SUCLG2: variants seen among roughly 807,000 people sequenced by gnomAD.
SUCLG2 encodes the protein succinate-CoA ligase GDP-forming subunit beta, also known as succinate--CoA ligase [GDP-forming] subunit beta, mitochondrial.
SUCLG2 carries 42 observed loss-of-function variants against 47.9 expected under a neutral mutation model. The observed-to-expected ratio is 0.88, with a 90% CI of 0.69 to 1.14. The LOEUF is 1.14. Ranked by LOEUF, SUCLG2 falls within the 50% of genes most tolerant of loss-of-function variation. The pLI, the probability that SUCLG2 is intolerant of heterozygous loss-of-function variation, is 0.00. For missense variants in SUCLG2, 571 were observed against 525.9 expected, an observed-to-expected ratio of 1.09 and a Z score of -0.84; for synonymous variants, 195 against 197.3, an observed-to-expected ratio of 0.99 and a Z score of 0.10.
At chr3:67,512,212 T>G (rs1358959570) in intron 6 of SUCLG2, among the ~76,000 whole-genome samples, 2 of 151,266 alleles carry the variant, frequency 1.3e-5, no homozygotes, top group Admixed American at 1.3e-4. Context: ...GTGTCAGACT[T>G]TTAAAAGGCT....
intron 2 of SUCLG2, among the ~76,000 whole-genome samples, chr3:67,601,854 C>A (rs888256046): frequency 6.6e-6 from 1 of 151,960 alleles, no homozygotes. Context: ...TGGTGGTGCA[C>A]GCCTGTAATC....
intron 1 of SUCLG2, among the ~76,000 whole-genome samples, chr3:67,648,099 T>C (rs1701222504): frequency 6.6e-6 from 1 of 152,196 alleles, no homozygotes; most frequent in South Asian, 2.1e-4. Flanking sequence ...ATCATCTTAT[T>C]TAATCTTTGT....
chr3:67,562,285 T>C (rs1399238361), intron 2 of SUCLG2, among the ~76,000 whole-genome samples: 3 of 141,978 alleles, frequency 2.1e-5, no homozygotes, highest in Non-Finnish European at 4.7e-5. Context: ...TTTTTGTTTG[T>C]TTTTTTTTTT....
chr3:67,451,860 C>T (rs1289199713), intron 9 of SUCLG2, among the ~76,000 whole-genome samples: 1 of 152,018 alleles, frequency 6.6e-6, no homozygotes, highest in African/African-American at 2.4e-5. Flanking sequence ...TGGGGAAGAA[C>T]CTGATGTGTA....
At chr3:67,632,872 C>T (rs1479577527) in intron 1 of SUCLG2, among the ~76,000 whole-genome samples, 1 of 152,154 alleles carries the variant, frequency 6.6e-6, no homozygotes, top group African/African-American at 2.4e-5. Context: ...TTTGAGGATA[C>T]ATTACAGTAC....
At chr3:67,630,251 A>G (rs913579997) in intron 1 of SUCLG2, among the ~76,000 whole-genome samples, 1 of 152,340 alleles carries the variant, frequency 6.6e-6, no homozygotes, top group South Asian at 2.1e-4. Flanking sequence ...GTTGTTTAAT[A>G]TTACCTATAA....
rs1389843749 is a variant in SUCLG2 at position 67,422,516 on chromosome 3, C to T, written c.1063-21665G>A. ...AAAAAAAAAAAAAGAACATTCAACA[C>T]AATTTTACTAAGATCTTACAATATG... On this transcript the variant is annotated intron_variant, in intron 9 of 10. Transcript: ENST00000307227. Among the ~76,000 whole-genome samples the T allele has an allele frequency of 4.3e-5, 4 of 94,070 alleles. No individual in the cohort carries two copies. The Admixed American group carries it at 4.8e-4, about 11-fold the overall frequency. 61.7% of individuals were successfully genotyped at this position (94,070 alleles called of 152,430 possible). A position where few individuals can be genotyped will look rare whatever the true frequency, so the allele number is the denominator to read the frequency against.
intron 9 of SUCLG2, among the ~76,000 whole-genome samples, chr3:67,473,768 T>A (rs1704663949): frequency 6.6e-6 from 1 of 152,198 alleles, no homozygotes. Context: ...AGTGCAGCGA[T>A]AAAGGTATAA....
chr3:67,565,387 A>G (rs1171426858), intron 2 of SUCLG2, among the ~76,000 whole-genome samples: 1 of 152,224 alleles, frequency 6.6e-6, no homozygotes, highest in Non-Finnish European at 1.5e-5. Context: ...TATCTATGTG[A>G]AAAGTAGTTA....
downstream of SUCLG2, among the ~76,000 whole-genome samples, chr3:67,370,568 G>A (rs186943195): frequency 6.6e-6 from 1 of 152,226 alleles, no homozygotes; most frequent in Non-Finnish European, 1.5e-5. Context: ...AGACTCCCGA[G>A]TGAATGCCTA....
intron 9 of SUCLG2, among the ~76,000 whole-genome samples, chr3:67,417,129 A>G (rs1416739059): frequency 2.6e-5 from 4 of 151,248 alleles, no homozygotes; most frequent in Non-Finnish European, 5.9e-5. Flanking sequence ...ATTCTTGTCT[A>G]GAGAAAAAAA....
chr3:67,566,420 TGTATAAA>T (rs1019268108), intron 2 of SUCLG2, among the ~76,000 whole-genome samples: 8 of 152,172 alleles, frequency 5.3e-5, no homozygotes, highest in African/African-American at 1.7e-4. Flanking sequence ...TGAATACAAC[TGTATAAA>T]GTATAATCAA....
At chr3:67,552,558 G>A (rs1707045758) in intron 2 of SUCLG2, among the ~76,000 whole-genome samples, 1 of 152,188 alleles carries the variant, frequency 6.6e-6, no homozygotes, top group Admixed American at 6.5e-5. Context: ...CTATAACATA[G>A]GAATACGAGA....
chr3:67,580,540 T>C (rs966704752), intron 2 of SUCLG2, among the ~76,000 whole-genome samples: 3 of 152,224 alleles, frequency 2.0e-5, no homozygotes, highest in Non-Finnish European at 1.5e-5. Flanking sequence ...ATTTGCTAAG[T>C]GCCTCCTCGG....
At chr3:67,616,859 G>A (rs949903225) in intron 1 of SUCLG2, among the ~76,000 whole-genome samples, 2 of 152,098 alleles carry the variant, frequency 1.3e-5, no homozygotes, top group Non-Finnish European at 1.5e-5. Context: ...ACCTCACTTC[G>A]AGCTCTCAAC....
chr3:67,541,943 G>A (rs980556527), intron 2 of SUCLG2, among the ~76,000 whole-genome samples: 7 of 151,144 alleles, frequency 4.6e-5, no homozygotes, highest in Admixed American at 1.3e-4. Context: ...ATCTTGGCTC[G>A]CTGCAACCTC....
chr3:67,382,532 T>C (rs868061992), intron 10 of SUCLG2, among the ~76,000 whole-genome samples: 14 of 152,332 alleles, frequency 9.2e-5, no homozygotes, highest in Non-Finnish European at 1.2e-4. Flanking sequence ...TTGGGCAAAA[T>C]TGAGCCAGCT....
chr3:67,627,423 G>C (rs976096644), intron 1 of SUCLG2, among the ~76,000 whole-genome samples: 1 of 152,188 alleles, frequency 6.6e-6, no homozygotes, highest in Non-Finnish European at 1.5e-5. Context: ...TTTCTCATTA[G>C]ATCTGAACAG....
At chr3:67,416,883 A>T (rs1442971403) in intron 9 of SUCLG2, among the ~76,000 whole-genome samples, 1 of 152,206 alleles carries the variant, frequency 6.6e-6, no homozygotes, top group Non-Finnish European at 1.5e-5. Flanking sequence ...GATCAGTATG[A>T]ACTACAACTG....
Sources: gnomAD v4.1 joint callset for allele counts (sites outside exome capture counted in the v4.1 genomes callset) on GRCh38, gnomAD v4.1.1 for gene constraint, MANE v1.5 for transcripts, NCBI Gene and HGNC (gene_info 2026-07-23, HGNC 2026-07-21) for gene names.